LTV1: variants seen among roughly 807,000 people sequenced by gnomAD.
LTV1 encodes LTV1 ribosome biogenesis factor.
Under a neutral mutation model 59.9 loss-of-function variants are expected in LTV1, and 39 were observed. That is an observed-to-expected ratio of 0.65 (90% CI 0.50 to 0.85). LTV1 has a LOEUF of 0.85. LTV1 is among the 40% of genes least tolerant of loss of function. LTV1 has a pLI of 0.00. For missense variants in LTV1, 493 were observed against 549.1 expected, an observed-to-expected ratio of 0.90 and a Z score of 1.02; for synonymous variants, 171 against 189.5, an observed-to-expected ratio of 0.90 and a Z score of 0.80.
chr6:143,849,525 G>A (rs1394076260), intron 3 of LTV1, among the ~76,000 whole-genome samples: 1 of 152,160 alleles, frequency 6.6e-6, no homozygotes, highest in Non-Finnish European at 1.5e-5. Flanking sequence ...CATGGGATCT[G>A]AGGGATAAAT....
intron 3 of LTV1, 99 bp from the exon 4 acceptor site, chr6:143,850,032 G>C: frequency 1.2e-6 from 1 of 859,548 alleles, no homozygotes; most frequent in Non-Finnish European, 1.9e-6. Context: ...TCAGTCTAAG[G>C]TTCTGGATGG....
At chr6:143,846,548 A>G (rs1776894228) in intron 3 of LTV1, among the ~76,000 whole-genome samples, 1 of 152,232 alleles carries the variant, frequency 6.6e-6, no homozygotes, top group South Asian at 2.1e-4. Flanking sequence ...TGTTTTCAGG[A>G]TCATAAACTC....
At position 143,863,015 on chromosome 6, in the gene LTV1, GTA is replaced by G; in HGVS notation, c.1117-69_1117-68del. The stretch of plus-strand genomic sequence containing the variant: ...AGTGATATTAGAAAAAGCATCAACA[GTA>G]TGTCATTAATGAGCTATTTTTTAAT... On this transcript the variant is annotated intron_variant, in intron 9 of 10. Coordinates refer to ENST00000367576, the MANE Select transcript of LTV1 (RefSeq NM_032860.5). This position sits in a 1 kb window ranked among gnomAD's most constrained non-coding sequence, Gnocchi z 4.5. 1 of 1,468,126 alleles carries G rather than the reference GTA, an allele frequency of 6.8e-7. No homozygotes were observed. The highest frequency in any genetic ancestry group is 9.5e-7 in the Non-Finnish European group (1 of 1,049,968). 90.9% of individuals were successfully genotyped at this position (1,468,126 alleles called of 1,614,324 possible). A position where few individuals can be genotyped will look rare whatever the true frequency, so the allele number is the denominator to read the frequency against.
At chr6:143,858,087 G>A (rs1582941555) in intron 6 of LTV1, 80 bp downstream of exon 6, 1 of 1,340,520 alleles carries the variant, frequency 7.5e-7, no homozygotes. Flanking sequence ...CTTTAGCCCA[G>A]GTTGAAGTGC....
Position 143,862,043 on chromosome 6 carries a change from A to G in LTV1, c.924-61A>G, listed in dbSNP as rs1400106609. ...CTAAAAATTGCAGTTTTAGTGACAT[A>G]GTATAATAATAGGTCATTTTTCCCC... On this transcript the variant is annotated intron_variant, in intron 7 of 10. Transcript: ENST00000367576. This position sits in a 1 kb window ranked among gnomAD's most constrained non-coding sequence, Gnocchi z 4.2. 2 of 1,532,710 alleles carry G rather than the reference A, an allele frequency of 1.3e-6. No homozygotes were observed. Among genetic ancestry groups the G allele is most frequent in the African/African-American group, 1.4e-5 (1 of 71,844 alleles). 94.9% of individuals were successfully genotyped at this position (1,532,710 alleles called of 1,614,324 possible).
chr6:143,863,702 ATT>A lies in LTV1; in HGVS notation c.*176_*177del. 2.2e-6 allele frequency: 1 copy of A among 461,542 alleles called. No homozygotes were observed. The allele number at this position is 461,542 out of a possible 1,614,324, so 28.6% of individuals were successfully genotyped here. A position where few individuals can be genotyped will look rare whatever the true frequency, so the allele number is the denominator to read the frequency against. The stretch of plus-strand genomic sequence containing the variant: ...GTCCCCTGCCAACCATCTTGTAAAT[ATT>A]GTAATACTTTAATTTTTAATATTAT... On this transcript the variant is annotated 3_prime_UTR_variant, in exon 11 of 11. Coordinates refer to ENST00000367576, the MANE Select transcript of LTV1 (RefSeq NM_032860.5). This position sits in a 1 kb window ranked among gnomAD's most constrained non-coding sequence, Gnocchi z 4.5.
chr6:143,852,377 G>T (rs1204077343), intron 4 of LTV1, among the ~76,000 whole-genome samples: 1 of 152,166 alleles, frequency 6.6e-6, no homozygotes, highest in Non-Finnish European at 1.5e-5. Context: ...CTTCATTTGA[G>T]AAATATCTGT....
Position 143,857,323 on chromosome 6 carries a change from C to T in LTV1, c.418C>T (p.Pro140Ser). ...TCTAGGACCTCGACTGGATTTTGATCCTGACATTGTTGCAGCTCTTGATGA... is the reference window on the plus strand; with the variant it reads ...TCTAGGACCTCGACTGGATTTTGATTCTGACATTGTTGCAGCTCTTGATGA... ...PVSGPRLDFD[P>S]DIVAALDDDF... Residue 140 changes from proline to serine, a missense_variant, in exon 5 of 11, where the codon CCT becomes TCT. Pro to Ser is a moderately conservative substitution (Grantham distance 74). Coordinates refer to ENST00000367576, the MANE Select transcript of LTV1 (RefSeq NM_032860.5). The surrounding 1 kb of genome is among the most constrained non-coding windows in gnomAD (Gnocchi z 5.2). The T allele has an allele frequency of 6.2e-7, 1 of 1,613,592 alleles. No individual in the cohort carries two copies. Among genetic ancestry groups the T allele is most frequent in the Non-Finnish European group, 8.5e-7 (1 of 1,179,612 alleles).
rs1380238659 is a variant in LTV1, at chr6:143,855,295, T to C, written c.398-2008T>C. ...CTTGCTGTTTTTGCTTTCCATTTGC[T>C]TGGTAAATATCCTCCATTCCTTTAT... is the stretch of plus-strand genomic sequence containing the variant. On this transcript the variant is annotated intron_variant, in intron 4 of 10. Coordinates refer to ENST00000367576, the MANE Select transcript of LTV1 (RefSeq NM_032860.5). This position sits in a 1 kb window ranked among gnomAD's most constrained non-coding sequence, Gnocchi z 4.6. Among the ~76,000 whole-genome samples the C allele has an allele frequency of 6.6e-6, 1 of 152,212 alleles. No individual in the cohort carries two copies. The highest frequency in any genetic ancestry group is 1.5e-5 in the Non-Finnish European group (1 of 68,040).
At position 143,844,504 on chromosome 6, in the gene LTV1, C is replaced by A. The variant is rs758441324; in HGVS notation, c.22C>A (p.Pro8Thr). The A allele has an allele frequency of 6.2e-7, 1 of 1,613,574 alleles. No homozygotes were observed. The highest frequency in any genetic ancestry group is 8.5e-7 in the Non-Finnish European group (1 of 1,179,834). ...TTTGAAGCCTCACAGGAAGAAAAAG[C>A]CCTTTATAGAGAAGAAGAAAGCTGT... MPHRKKK[P>T]FIEKKKAVSF... Residue 8 changes from proline (P) to threonine (T), a missense_variant, in exon 2 of 11, where the codon CCC becomes ACC. Pro to Thr is a conservative substitution (Grantham distance 38, BLOSUM62 -1). Transcript: ENST00000367576.
At chr6:143,854,416 G>GT (rs1330432288) in intron 4 of LTV1, among the ~76,000 whole-genome samples, 1 of 151,924 alleles carries the variant, frequency 6.6e-6, no homozygotes, top group Non-Finnish European at 1.5e-5. Context: ...GGATTCATTG[G>GT]TTTTTTTGAA....
rs1777059431 is a variant in LTV1 at position 143,855,440 on chromosome 6, T to G, written c.398-1863T>G. ...CTTTTAATTGGGGCTTTTATCCCATTTACATTTAAGGTTAATATTGTAATG... is the reference window on the plus strand; with the variant it reads ...CTTTTAATTGGGGCTTTTATCCCATGTACATTTAAGGTTAATATTGTAATG... On this transcript the variant is annotated intron_variant, in intron 4 of 10. Coordinates refer to ENST00000367576, the MANE Select transcript of LTV1 (RefSeq NM_032860.5). The surrounding 1 kb of genome is among the most constrained non-coding windows in gnomAD (Gnocchi z 4.6). 6.6e-6 allele frequency among the ~76,000 whole-genome samples: 1 copy of G among 152,248 alleles called. No homozygotes were observed. The highest frequency in any genetic ancestry group is 2.4e-5 in the African/African-American group (1 of 41,468).
In LTV1 at chr6:143,855,996, A is replaced by G. The variant is rs1208607633; in HGVS notation, c.398-1307A>G. ...TTGGCCTCTCTTGCTAGGTTGGGTAAGTTCTCCTGGATAATATCCTGAAGA... is the reference window on the plus strand; with the variant it reads ...TTGGCCTCTCTTGCTAGGTTGGGTAGGTTCTCCTGGATAATATCCTGAAGA... On this transcript the variant is annotated intron_variant, in intron 4 of 10. Transcript: ENST00000367576. The surrounding 1 kb of genome is among the most constrained non-coding windows in gnomAD (Gnocchi z 4.6). Among the ~76,000 whole-genome samples the G allele has an allele frequency of 3.9e-5, 6 of 152,086 alleles. No homozygotes were observed. Among genetic ancestry groups the G allele is most frequent in the African/African-American group, 1.4e-4 (6 of 41,386 alleles).
chr6:143,863,233 G>T lies in LTV1; in HGVS notation c.1264G>T (p.Glu422Ter), dbSNP rs774018976. 8.1e-6 allele frequency: 13 copies of T among 1,614,004 alleles called. No homozygotes were observed. The South Asian group carries it at 1.4e-4, about 18-fold the overall frequency. The part of the protein sequence containing the change: ...KVSTQPRSKN[E>*]SKEDKRARKQ... The stretch of plus-strand genomic sequence containing the variant: ...ATCAACTCAGCCACGTTCTAAAAAT[G>T]AAAGCAAAGAAGATAAAAGAGCAAG... The change falls in exon 10 of 11, where the codon GAA (glutamate) becomes TAA (stop). Residue 422 changes from glutamate (E) to a stop codon, truncating the protein, a stop_gained. Transcript: ENST00000367576. LOFTEE classifies it high-confidence loss of function. The surrounding 1 kb of genome is among the most constrained non-coding windows in gnomAD (Gnocchi z 4.5).
chr6:143,851,347 T>C (rs1287996543), intron 4 of LTV1, among the ~76,000 whole-genome samples: 1 of 152,160 alleles, frequency 6.6e-6, no homozygotes, highest in Non-Finnish European at 1.5e-5. Flanking sequence ...GAAGAACATA[T>C]CTGAAGAAAC....
intron 4 of LTV1, 32 bp downstream of exon 4, chr6:143,850,250 A>ATTT: frequency 6.5e-7 from 1 of 1,536,302 alleles, no homozygotes; most frequent in Non-Finnish European, 9.0e-7. Context: ...TTTCATATGG[A>ATTT]TAAATGTATT....
chr6:143,849,084 A>G (rs1288154810), intron 3 of LTV1, among the ~76,000 whole-genome samples: 1 of 152,210 alleles, frequency 6.6e-6, no homozygotes, highest in African/African-American at 2.4e-5. Flanking sequence ...CAAGAAGGTC[A>G]CATGAAAAAC....
chr6:143,847,652 C>T (rs1468251454), intron 3 of LTV1, among the ~76,000 whole-genome samples: 10 of 152,202 alleles, frequency 6.6e-5, no homozygotes, highest in Admixed American at 6.5e-4. Context: ...TGAGCCACCG[C>T]GCCCGGTCGT....
In LTV1 at chr6:143,843,463, C is replaced by G; in HGVS notation, c.-15C>G. On this transcript the variant is annotated 5_prime_UTR_variant, in exon 1 of 11. Transcript: ENST00000367576. ...TCGCCGCCCCTGTTGGGGGTGAGCG[C>G]CGCGCGGCTGCAGCATGGTGAGCAA... 1 of 1,613,344 alleles carries G rather than the reference C, an allele frequency of 6.2e-7. No individual in the cohort carries two copies. The highest frequency in any genetic ancestry group is 8.5e-7 in the Non-Finnish European group (1 of 1,179,964).
Sources: allele counts gnomAD v4.1 joint callset (sites outside exome capture counted in the v4.1 genomes callset), GRCh38; gene constraint gnomAD v4.1.1; non-coding constraint Gnocchi (gnomAD v3.1); transcripts MANE v1.5; gene names NCBI Gene and HGNC (gene_info 2026-07-23, HGNC 2026-07-21).